SPAM1: variants seen among roughly 807,000 people sequenced by gnomAD.
The protein encoded by SPAM1 is sperm adhesion molecule 1.
Under a neutral mutation model 29.6 loss-of-function variants are expected in SPAM1, and 22 were observed. The observed-to-expected ratio is 0.74, with a 90% CI of 0.53 to 1.06. The LOEUF (loss-of-function observed/expected upper bound fraction) is 1.06, where lower values mean the gene tolerates loss of function less well. Ranked by LOEUF, SPAM1 falls within the 50% of genes least tolerant of loss-of-function variation. The pLI, the probability that SPAM1 is intolerant of heterozygous loss-of-function variation, is 0.00. For missense variants in SPAM1, 534 were observed against 604.0 expected, an observed-to-expected ratio of 0.88 and a Z score of 1.21; for synonymous variants, 194 against 204.6, an observed-to-expected ratio of 0.95 and a Z score of 0.44.
At chr7:123,926,102 A>G (rs146050103) in intron 1 of SPAM1, 1 of 152,310 alleles carries the variant, frequency 6.6e-6, no homozygotes, top group Non-Finnish European at 1.5e-5. Flanking sequence ...TCTTGTTCCT[A>G]AGCAGATAGC....
At chr7:123,956,766 T>C (rs142347900) in intron 4 of SPAM1, among the ~76,000 whole-genome samples, 62 of 152,152 alleles carry the variant, frequency 4.1e-4, no homozygotes, top group African/African-American at 1.4e-3. Context: ...GGAAATACTA[T>C]GTAATAATGT....
chr7:123,960,020 T>C lies in SPAM1; in HGVS notation c.*51T>C. ...ATATGTCCATCTTAAAGTGTGCTTT[T>C]TCGACTAATTAAATCTTTGAAAAGA... On this transcript the variant is annotated 3_prime_UTR_variant, in exon 5 of 5. Coordinates refer to ENST00000682466, the MANE Select transcript of SPAM1 (RefSeq NM_153189.3). 1 of 1,521,490 alleles carries C rather than the reference T, an allele frequency of 6.6e-7. No homozygotes were observed. The highest frequency in any genetic ancestry group is 8.7e-7 in the Non-Finnish European group (1 of 1,143,640). 94.2% of individuals were successfully genotyped at this position (1,521,490 alleles called of 1,614,324 possible).
Position 123,953,835 on chromosome 7 carries a change from A to T in SPAM1, c.265A>T (p.Thr89Ser), listed in dbSNP as rs1792176211. The T allele has an allele frequency of 6.2e-7, 1 of 1,613,488 alleles. No individual in the cohort carries two copies. The highest frequency in any genetic ancestry group is 8.5e-7 in the Non-Finnish European group (1 of 1,179,774). ...PRINATGQGV[T>S]IFYVDRLGYY... ...AATAAACGCCACCGGGCAAGGTGTT[A>T]CAATATTTTATGTTGATAGACTTGG... The change falls in exon 3 of 5, where the codon ACA becomes TCA. Residue 89 changes from threonine (T) to serine (S), a missense_variant. Transcript: ENST00000682466.
At chr7:123,945,251 G>A (rs531172556) in intron 1 of SPAM1, among the ~76,000 whole-genome samples, 6 of 152,046 alleles carry the variant, frequency 3.9e-5, no homozygotes, top group Non-Finnish European at 7.4e-5. Context: ...CTTTAAAAAA[G>A]TTTGAATTAG....
At chr7:123,930,342 A>C (rs1014471638) in intron 1 of SPAM1, among the ~76,000 whole-genome samples, 2 of 152,108 alleles carry the variant, frequency 1.3e-5, no homozygotes, top group Non-Finnish European at 2.9e-5. Flanking sequence ...CAATCCAATA[A>C]ATCTTTTCAT....
At chr7:123,942,685 C>G (rs558064438) in intron 1 of SPAM1, among the ~76,000 whole-genome samples, 1 of 152,108 alleles carries the variant, frequency 6.6e-6, no homozygotes, top group South Asian at 2.1e-4. Flanking sequence ...CCCAAGGAAC[C>G]TTGGGGCTCC....
rs1396271337 is a variant in SPAM1 at position 123,953,624 on chromosome 7, T to C, written c.54T>C (p.Ser18=). Residue 18 remains serine (S), a synonymous_variant, in exon 3 of 5, where the codon AGT becomes AGC. Coordinates refer to ENST00000682466, the MANE Select transcript of SPAM1 (RefSeq NM_153189.3). The stretch of plus-strand genomic sequence containing the variant: ...TTTTCAGAAGCTTTGTTAAATCAAG[T>C]GGAGTATCCCAGATAGTTTTCACCT... ...HIFFRSFVKS[S]GVSQIVFTFL... is the part of the protein sequence containing the mutation. The C allele has an allele frequency of 6.2e-7, 1 of 1,607,642 alleles. No homozygotes were observed. Among genetic ancestry groups the C allele is most frequent in the Non-Finnish European group, 8.5e-7 (1 of 1,178,108 alleles).
chr7:123,968,264 G>T (rs1390647668), intron 5 of SPAM1, among the ~76,000 whole-genome samples: 1 of 152,026 alleles, frequency 6.6e-6, no homozygotes, highest in Non-Finnish European at 1.5e-5. Flanking sequence ...CTGAGAGCAG[G>T]TTATTCAGAA....
intron 1 of SPAM1, among the ~76,000 whole-genome samples, chr7:123,926,224 A>G (rs1807879430): frequency 6.6e-6 from 1 of 152,002 alleles, no homozygotes; most frequent in Non-Finnish European, 1.5e-5. Context: ...TCCCCTACCT[A>G]CTTCTTTTCC....
At chr7:123,956,570 T>C (rs1177151832) in intron 4 of SPAM1, among the ~76,000 whole-genome samples, 1 of 152,008 alleles carries the variant, frequency 6.6e-6, no homozygotes, top group African/African-American at 2.4e-5. Flanking sequence ...ACCTAATTGT[T>C]AAATATTCAG....
At chr7:123,966,154 C>A (rs115571712) in intron 5 of SPAM1, among the ~76,000 whole-genome samples, 2,003 of 151,868 alleles carry the variant, frequency 0.013, 36 homozygotes, top group African/African-American at 0.046. Flanking sequence ...ATGTGGCCAA[C>A]AAACAAATGA....
At chr7:123,936,936 T>C (rs528252765) in intron 1 of SPAM1, among the ~76,000 whole-genome samples, 2 of 152,304 alleles carry the variant, frequency 1.3e-5, no homozygotes, top group African/African-American at 4.8e-5. Context: ...AAATGAATTT[T>C]GCTATGTATA....
At chr7:123,936,653 T>TC (rs1808251574) in intron 1 of SPAM1, among the ~76,000 whole-genome samples, 1 of 152,144 alleles carries the variant, frequency 6.6e-6, no homozygotes, top group Non-Finnish European at 1.5e-5. Flanking sequence ...ATCTTAGTTC[T>TC]CCCCCTCCCT....
chr7:123,926,519 T>C (rs1426492161), intron 1 of SPAM1, among the ~76,000 whole-genome samples: 1 of 152,244 alleles, frequency 6.6e-6, no homozygotes, highest in African/African-American at 2.4e-5. Context: ...AAGAGAATTA[T>C]TCTGAGCCAA....
chr7:123,939,158 T>TC, intron 1 of SPAM1, among the ~76,000 whole-genome samples: 1 of 150,136 alleles, frequency 6.7e-6, no homozygotes, highest in African/African-American at 2.5e-5. Context: ...CGATCTCGGC[T>TC]CACTGCAAGC....
chr7:123,927,606 C>G (rs997121212), intron 1 of SPAM1, among the ~76,000 whole-genome samples: 1 of 152,106 alleles, frequency 6.6e-6, no homozygotes, highest in Non-Finnish European at 1.5e-5. Context: ...AGGTAACAGT[C>G]GTTTGCATCC....
At chr7:123,938,888 T>G (rs1808338717) in intron 1 of SPAM1, among the ~76,000 whole-genome samples, 1 of 152,174 alleles carries the variant, frequency 6.6e-6, no homozygotes, top group Non-Finnish European at 1.5e-5. Context: ...TTTGCCTTAG[T>G]GCTAGGCAGC....
At chr7:123,946,059 A>G (rs540174108) in intron 1 of SPAM1, among the ~76,000 whole-genome samples, 5 of 152,288 alleles carry the variant, frequency 3.3e-5, no homozygotes, top group African/African-American at 1.2e-4. Context: ...CAATTCAGCT[A>G]CTTACCAAGG....
chr7:123,937,750 G>A lies in SPAM1; in HGVS notation c.-318-12122G>A, dbSNP rs369828903. On this transcript the variant is annotated intron_variant, in intron 1 of 4. Coordinates refer to ENST00000682466, the MANE Select transcript of SPAM1 (RefSeq NM_153189.3). ...GAATAATTTGGATCTTCCAGCTTTG[G>A]TATAATAGAACTACAAATGGAAATA... 4.8e-4 allele frequency among the ~76,000 whole-genome samples: 73 copies of A among 152,204 alleles called. 1 individual carries two copies. The East Asian group carries it at 0.01, about 21-fold the overall frequency.
Sources: gnomAD v4.1 joint callset for allele counts (sites outside exome capture counted in the v4.1 genomes callset) on GRCh38, gnomAD v4.1.1 for gene constraint, MANE v1.5 for transcripts, NCBI Gene and HGNC (gene_info 2026-07-23, HGNC 2026-07-21) for gene names.